The following DACH1 variants were observed in gnomAD, a reference collection of about 807,000 sequenced individuals.
DACH1 encodes the protein dachshund family transcription factor 1, also known as dachshund homolog 1.
In DACH1, 12 loss-of-function variants were observed where a neutral mutation model predicts 54.2. That is an observed-to-expected ratio of 0.22 (90% CI 0.14 to 0.36). The LOEUF (loss-of-function observed/expected upper bound fraction) is 0.36, where lower values mean the gene tolerates loss of function less well. Ranked by LOEUF, DACH1 falls within the 10% of genes least tolerant of loss-of-function variation. The pLI, the probability that DACH1 is intolerant of heterozygous loss-of-function variation, is 1.00. For synonymous variants in DACH1, 386 were observed against 366.2 expected, an observed-to-expected ratio of 1.05 and a Z score of -0.62; for missense variants, 805 against 929.8, an observed-to-expected ratio of 0.87 and a Z score of 1.75.
chr13:71,655,049 AT>A (rs1878996943), intron 2 of DACH1, among the ~76,000 whole-genome samples: 1 of 152,212 alleles, frequency 6.6e-6, no homozygotes, highest in African/African-American at 2.4e-5. Context: ...AAAGCTGAAG[AT>A]GTAAAACTAG....
intron 1 of DACH1, among the ~76,000 whole-genome samples, chr13:71,727,695 CT>C (rs1883537975): frequency 6.6e-6 from 1 of 151,994 alleles, no homozygotes; most frequent in African/African-American, 2.4e-5. Context: ...GCACAAAAGC[CT>C]AGTTTCAGAG....
At chr13:71,832,869 A>G (rs1482013247) in intron 1 of DACH1, among the ~76,000 whole-genome samples, 2 of 151,990 alleles carry the variant, frequency 1.3e-5, no homozygotes, top group Non-Finnish European at 2.9e-5. Flanking sequence ...TTATATATAG[A>G]TAACTCCTAC....
intron 2 of DACH1, among the ~76,000 whole-genome samples, chr13:71,657,870 A>T (rs750977912): frequency 1.4e-4 from 21 of 151,938 alleles, no homozygotes; most frequent in Non-Finnish European, 2.5e-4. Flanking sequence ...TGCCTCCCGG[A>T]GTGCTGGGAT....
chr13:71,595,427 T>C (rs1874026574), intron 3 of DACH1, among the ~76,000 whole-genome samples: 1 of 152,034 alleles, frequency 6.6e-6, no homozygotes, highest in African/African-American at 2.4e-5. Context: ...CTGGCTACCA[T>C]CAAAAAGAAG....
intron 1 of DACH1, among the ~76,000 whole-genome samples, chr13:71,859,634 A>G (rs1166842786): frequency 1.3e-5 from 2 of 151,896 alleles, no homozygotes; most frequent in East Asian, 3.9e-4. Flanking sequence ...AGATTCTCAG[A>G]AACCTCCTTA....
rs569961864 is a variant in DACH1, at chr13:71,817,049, CT to C, written c.848+48872del. 3.1e-3 allele frequency among the ~76,000 whole-genome samples: 477 copies of C among 152,010 alleles called. 3 individuals carry two copies. Among genetic ancestry groups the C allele is most frequent in the African/African-American group, 0.011 (451 of 41,442 alleles). ...GTGTAGGAAACCTACGCTTGTACCC[CT>C]GAATTTAGAATAAAAGTTTTTTAAA... On this transcript the variant is annotated intron_variant, in intron 1 of 10. Coordinates refer to ENST00000613252, the MANE Select transcript of DACH1 (RefSeq NM_080759.6).
chr13:71,603,990 C>A (rs1874699202), intron 3 of DACH1, among the ~76,000 whole-genome samples: 1 of 151,758 alleles, frequency 6.6e-6, no homozygotes, highest in Admixed American at 6.6e-5. Flanking sequence ...GAAGATATAT[C>A]TAATTAGTCT....
At chr13:71,815,310 T>C (rs1887867219) in intron 1 of DACH1, among the ~76,000 whole-genome samples, 1 of 138,832 alleles carries the variant, frequency 7.2e-6, no homozygotes. Context: ...GTATTCATGT[T>C]GTTCTTAAAA....
At chr13:71,785,883 A>G (rs1055053004) in intron 1 of DACH1, among the ~76,000 whole-genome samples, 1 of 152,148 alleles carries the variant, frequency 6.6e-6, no homozygotes. Flanking sequence ...TCAACTATGC[A>G]TCACAAAACC....
chr13:71,709,146 C>A (rs745797179), intron 1 of DACH1, among the ~76,000 whole-genome samples: 23 of 152,010 alleles, frequency 1.5e-4, no homozygotes, highest in Non-Finnish European at 2.5e-4. Context: ...AGCCACCGTG[C>A]CTGGCCGTAT....
At chr13:71,723,457 T>C (rs1352141785) in intron 1 of DACH1, among the ~76,000 whole-genome samples, 4 of 152,078 alleles carry the variant, frequency 2.6e-5, no homozygotes, top group African/African-American at 9.7e-5. Flanking sequence ...GTTAACATGG[T>C]TCCCCAAATA....
chr13:71,504,188 A>C (rs1267503524), intron 6 of DACH1, among the ~76,000 whole-genome samples: 2 of 152,210 alleles, frequency 1.3e-5, no homozygotes, highest in Non-Finnish European at 2.9e-5. Flanking sequence ...CTATTTAAGA[A>C]ATACACATCT....
chr13:71,699,375 C>T (rs1173835382), intron 1 of DACH1, among the ~76,000 whole-genome samples: 2 of 152,120 alleles, frequency 1.3e-5, no homozygotes, highest in Admixed American at 1.3e-4. Flanking sequence ...TTTTTGGTAA[C>T]ATTTAGCCTG....
intron 6 of DACH1, among the ~76,000 whole-genome samples, chr13:71,509,156 T>G (rs1475769664): frequency 6.6e-6 from 1 of 152,170 alleles, no homozygotes; most frequent in Non-Finnish European, 1.5e-5. Context: ...ATATATGATT[T>G]AATTGCCTGC....
intron 3 of DACH1, among the ~76,000 whole-genome samples, chr13:71,628,024 C>A (rs1024657588): frequency 1.3e-5 from 2 of 152,024 alleles, no homozygotes; most frequent in African/African-American, 4.8e-5. Flanking sequence ...AATAATGTGA[C>A]AAGTATTTTA....
At chr13:71,815,325 G>T (rs568813135) in intron 1 of DACH1, among the ~76,000 whole-genome samples, 1 of 151,106 alleles carries the variant, frequency 6.6e-6, no homozygotes, top group South Asian at 2.1e-4. Flanking sequence ...TTAAAAAAGG[G>T]GGTGGGCGGG....
chr13:71,853,312 A>G (rs1873790755), intron 1 of DACH1, among the ~76,000 whole-genome samples: 1 of 152,094 alleles, frequency 6.6e-6, no homozygotes, highest in African/African-American at 2.4e-5. Context: ...CTTTCTGCCT[A>G]CTTTCTTTTA....
At chr13:71,625,371 T>C (rs1368656967) in intron 3 of DACH1, among the ~76,000 whole-genome samples, 1 of 152,010 alleles carries the variant, frequency 6.6e-6, no homozygotes, top group Admixed American at 6.6e-5. Flanking sequence ...CCTGAAATCA[T>C]AAAATTAATC....
At chr13:71,499,111 GCACA>G (rs140335206) in intron 6 of DACH1, among the ~76,000 whole-genome samples, 38 of 126,008 alleles carry the variant, frequency 3.0e-4, no homozygotes, top group South Asian at 7.4e-4. Context: ...GCGAGCACGC[GCACA>G]CACACACACA....
Sources: allele counts gnomAD v4.1 joint callset (sites outside exome capture counted in the v4.1 genomes callset), GRCh38; gene constraint gnomAD v4.1.1; transcripts MANE v1.5; gene names NCBI Gene and HGNC (gene_info 2026-07-23, HGNC 2026-07-21).